Variants in ADARB1 observed in about 807,000 individuals in gnomAD.
ADARB1 encodes double-stranded RNA-specific editase 1.
Under a neutral mutation model 52.4 loss-of-function variants are expected in ADARB1, and 10 were observed. That is an observed-to-expected ratio of 0.19 (90% CI 0.12 to 0.32). ADARB1 has a LOEUF of 0.32. Among genes scored for constraint, ADARB1 ranks in the 10% least tolerant of loss-of-function variants. The pLI is 1.00. For synonymous variants in ADARB1, 349 were observed against 371.1 expected (o/e 0.94, Z 0.68); for missense variants, 643 against 922.3 (o/e 0.70, Z 3.92).
At chr21:45,192,307 A>G (rs144139358) in intron 8 of ADARB1, among the ~76,000 whole-genome samples, 1 of 152,252 alleles carries the variant, frequency 6.6e-6, no homozygotes, top group East Asian at 1.9e-4. Context: ...ACATTTGAAA[A>G]TTATGATGTA....
intron 2 of ADARB1, among the ~76,000 whole-genome samples, chr21:45,168,268 C>G (rs920105342): frequency 6.6e-6 from 1 of 152,056 alleles, no homozygotes; most frequent in Non-Finnish European, 1.5e-5. Context: ...TTCTCCCAGT[C>G]TGTAGCTTGT....
chr21:45,105,892 T>C (rs1188689001), intron 1 of ADARB1, among the ~76,000 whole-genome samples: 2 of 152,250 alleles, frequency 1.3e-5, no homozygotes, highest in Middle Eastern at 3.2e-3. Context: ...TTTTTTATAG[T>C]GTACCCATGT....
chr21:45,117,861 T>C (rs2087918826), intron 1 of ADARB1, among the ~76,000 whole-genome samples: 2 of 152,204 alleles, frequency 1.3e-5, no homozygotes, highest in Non-Finnish European at 2.9e-5. Flanking sequence ...AGGTAAACAA[T>C]GTACAGTTTG....
At chr21:45,170,406 A>T (rs548604597) in intron 2 of ADARB1, among the ~76,000 whole-genome samples, 1 of 152,234 alleles carries the variant, frequency 6.6e-6, no homozygotes, top group South Asian at 2.1e-4. Flanking sequence ...CTCAGAAAAT[A>T]TATCTTGAAA....
intron 2 of ADARB1, among the ~76,000 whole-genome samples, chr21:45,147,444 C>G (rs1601593947): frequency 2.6e-5 from 4 of 152,198 alleles, no homozygotes; most frequent in Admixed American, 2.0e-4. Flanking sequence ...GAACTCCCAG[C>G]AGGGAGCTAA....
intron 1 of ADARB1, among the ~76,000 whole-genome samples, chr21:45,127,107 G>T (rs2088629173): frequency 6.6e-6 from 1 of 152,202 alleles, no homozygotes; most frequent in Admixed American, 6.5e-5. Context: ...AGCTTGTTCA[G>T]CTCATGCTCA....
intron 8 of ADARB1, among the ~76,000 whole-genome samples, chr21:45,196,924 G>A (rs2092437469): frequency 6.6e-6 from 1 of 152,216 alleles, no homozygotes; most frequent in Non-Finnish European, 1.5e-5. Context: ...GCCAGGCACG[G>A]TGGCTCATGC....
At position 45,176,242 on chromosome 21, in the gene ADARB1, G is replaced by C; in HGVS notation, c.541G>C (p.Glu181Gln). 1 of 1,614,224 alleles carries C rather than the reference G, an allele frequency of 6.2e-7. No homozygotes were observed. Among genetic ancestry groups the C allele is most frequent in the Non-Finnish European group, 8.5e-7 (1 of 1,180,046 alleles). The change falls in exon 4 of 11, where the codon GAA becomes CAA. Residue 181 changes from glutamate (E) to glutamine (Q), a missense_variant. Glu to Gln is a conservative substitution (Grantham distance 29, BLOSUM62 2). Around this residue, in one of 2 missense-constraint regions of ADARB1, gnomAD observed 380 missense variants for 446.5 expected, o/e 0.85. Coordinates refer to ENST00000348831, the MANE Select transcript of ADARB1 (RefSeq NM_001112.4). The surrounding 1 kb of genome is among the most constrained non-coding windows in gnomAD (Gnocchi z 5.8). ...DFPDTLFNGF[E>Q]TPDKAEPPFY... ...CCCTGACACGCTCTTCAATGGTTTTGAAACTCCTGACAAGGCGGAGCCTCC... is the reference window on the plus strand; with the variant it reads ...CCCTGACACGCTCTTCAATGGTTTTCAAACTCCTGACAAGGCGGAGCCTCC...
At chr21:45,177,470 A>G (rs2091749568) in intron 4 of ADARB1, 1 of 152,264 alleles carries the variant, frequency 6.6e-6, no homozygotes, top group Admixed American at 6.5e-5. Context: ...TACGTGAAAG[A>G]GAAAAAGTAA....
At chr21:45,173,851 G>A (rs929580566) in intron 3 of ADARB1, among the ~76,000 whole-genome samples, 4 of 151,910 alleles carry the variant, frequency 2.6e-5, no homozygotes, top group Admixed American at 2.0e-4. Flanking sequence ...GAAGTGGTGT[G>A]TGTGTGAGGA....
At chr21:45,180,592 C>A in intron 5 of ADARB1, 148 bp downstream of exon 5, 1 of 700,682 alleles carries the variant, frequency 1.4e-6, no homozygotes, top group South Asian at 1.8e-5. Context: ...TGCAAGTTTA[C>A]GAACTGCACT....
At chr21:45,160,864 C>T (rs3788169) in intron 2 of ADARB1, among the ~76,000 whole-genome samples, 16,981 of 152,192 alleles carry the variant, frequency 0.11, 1,254 homozygotes, top group African/African-American at 0.2. Context: ...AATCGACTTA[C>T]ATAGAAGGTG....
intron 9 of ADARB1, among the ~76,000 whole-genome samples, chr21:45,215,396 T>C (rs1458395991): frequency 6.6e-6 from 1 of 152,176 alleles, no homozygotes; most frequent in East Asian, 1.9e-4. Flanking sequence ...CATTTTTTTT[T>C]TCTATTTATA....
chr21:45,086,074 C>T (rs919341750), intron 1 of ADARB1, among the ~76,000 whole-genome samples: 7 of 152,284 alleles, frequency 4.6e-5, no homozygotes, highest in Admixed American at 4.6e-4. Flanking sequence ...ATGGAAAAGG[C>T]AGGCTTTGAT....
At chr21:45,160,237 T>C (rs1479547126) in intron 2 of ADARB1, among the ~76,000 whole-genome samples, 4 of 152,216 alleles carry the variant, frequency 2.6e-5, no homozygotes, top group Non-Finnish European at 5.9e-5. Context: ...ACTGAAGGAA[T>C]TAACCTCCAT....
At position 45,226,083 on chromosome 21, in the gene ADARB1, G is replaced by C. The variant is rs185670032; in HGVS notation, c.*3886G>C. 2.0e-5 allele frequency: 3 copies of C among 152,778 alleles called. No homozygotes were observed. In the East Asian group the frequency reaches 5.8e-4, roughly 29 times the overall value. 9.5% of individuals were successfully genotyped at this position (152,778 alleles called of 1,614,324 possible). A position where few individuals can be genotyped will look rare whatever the true frequency, so the allele number is the denominator to read the frequency against. On this transcript the variant is annotated 3_prime_UTR_variant, in exon 11 of 11. Coordinates refer to ENST00000348831, the MANE Select transcript of ADARB1 (RefSeq NM_001112.4). ...CATGACTTAGTTGTAAGGGTGTGTC[G>C]GCTTTTTCAGTCTCATGTGAAAATC...
At chr21:45,181,933 A>G (rs1409419085) in intron 5 of ADARB1, among the ~76,000 whole-genome samples, 1 of 152,212 alleles carries the variant, frequency 6.6e-6, no homozygotes, top group African/African-American at 2.4e-5. Flanking sequence ...TGGTGTGCAC[A>G]CCATTGGTTC....
chr21:45,096,901 G>A (rs997165341), intron 1 of ADARB1, among the ~76,000 whole-genome samples: 5 of 152,048 alleles, frequency 3.3e-5, no homozygotes, highest in Admixed American at 2.0e-4. Context: ...CACCACGCCC[G>A]GCTAATTTTT....
chr21:45,161,386 A>G (rs1394229180), intron 2 of ADARB1, among the ~76,000 whole-genome samples: 1 of 151,844 alleles, frequency 6.6e-6, no homozygotes, highest in Non-Finnish European at 1.5e-5. Flanking sequence ...GTCTGTCCCC[A>G]CTCCCAGCAC....
Sources: allele counts gnomAD v4.1 joint callset (sites outside exome capture counted in the v4.1 genomes callset), GRCh38; gene constraint gnomAD v4.1.1; regional missense constraint gnomAD v4.1.1; non-coding constraint Gnocchi (gnomAD v3.1); transcripts MANE v1.5; gene names NCBI Gene and HGNC (gene_info 2026-07-23, HGNC 2026-07-21).